Variants in LRRTM3 observed in about 807,000 individuals in gnomAD.
The protein encoded by LRRTM3 is leucine-rich repeat transmembrane neuronal protein 3.
LRRTM3 carries 24 observed loss-of-function variants against 44.7 expected under a neutral mutation model. The observed-to-expected ratio is 0.54, with a 90% CI of 0.39 to 0.76. The LOEUF is 0.76. LRRTM3 is among the 30% of genes least tolerant of loss of function. The pLI, the probability that LRRTM3 is intolerant of heterozygous loss-of-function variation, is 0.00. For synonymous variants in LRRTM3, 277 were observed against 278.7 expected (o/e 0.99, Z 0.06); for missense variants, 587 against 702.2 (o/e 0.84, Z 1.85).
Position 66,927,478 on chromosome 10 carries a change from C to T in LRRTM3, c.562C>T (p.Leu188=). Residue 188 remains leucine, a synonymous_variant, in exon 2 of 3, where the codon CTG becomes TTG. Transcript: ENST00000361320. The surrounding 1 kb of genome is among the most constrained non-coding windows in gnomAD (Gnocchi z 4.7). ...CTGCCGCAACCTGGAACTTTTGGACCTGGGATATAACCGGATCCGAAGTTT... is the reference window on the plus strand; with the variant it reads ...CTGCCGCAACCTGGAACTTTTGGACTTGGGATATAACCGGATCCGAAGTTT... ...QDCRNLELLD[L]GYNRIRSLAR... is the part of the protein sequence containing the mutation. 1 of 1,614,056 alleles carries T rather than the reference C, an allele frequency of 6.2e-7. No individual in the cohort carries two copies. The highest frequency in any genetic ancestry group is 8.5e-7 in the Non-Finnish European group (1 of 1,180,010).
At chr10:67,002,897 CATT>C (rs1851765087) in intron 2 of LRRTM3, among the ~76,000 whole-genome samples, 1 of 152,078 alleles carries the variant, frequency 6.6e-6, no homozygotes, top group East Asian at 1.9e-4. Flanking sequence ...AACTTAGTAT[CATT>C]ATTATTCTAA....
At chr10:66,976,521 A>T (rs1850040206) in intron 2 of LRRTM3, among the ~76,000 whole-genome samples, 3 of 152,176 alleles carry the variant, frequency 2.0e-5, no homozygotes, top group Non-Finnish European at 4.4e-5. Flanking sequence ...GTGTTGAAAG[A>T]TGTCTTCATA....
intron 2 of LRRTM3, chr10:67,015,284 G>A (rs906702080): frequency 6.6e-6 from 1 of 152,090 alleles, no homozygotes; most frequent in Non-Finnish European, 1.5e-5. Flanking sequence ...TAGATTTGAT[G>A]CTAACCATCT....
At chr10:67,013,624 T>G (rs1199911156) in intron 2 of LRRTM3, among the ~76,000 whole-genome samples, 1 of 152,154 alleles carries the variant, frequency 6.6e-6, no homozygotes, top group Non-Finnish European at 1.5e-5. Flanking sequence ...TTCCTTTTCT[T>G]GATACAAAAG....
At chr10:67,046,683 T>C (rs1343252528) in intron 2 of LRRTM3, among the ~76,000 whole-genome samples, 3 of 152,202 alleles carry the variant, frequency 2.0e-5, no homozygotes, top group South Asian at 4.1e-4. Flanking sequence ...ATACTATACA[T>C]TGGCACAGGA....
intron 2 of LRRTM3, among the ~76,000 whole-genome samples, chr10:67,052,003 C>T (rs1855126408): frequency 6.6e-6 from 1 of 152,076 alleles, no homozygotes. Flanking sequence ...GACCCGCCCA[C>T]CTCAGCCTCC....
At chr10:66,964,987 G>A (rs1445325986) in intron 2 of LRRTM3, among the ~76,000 whole-genome samples, 2 of 152,170 alleles carry the variant, frequency 1.3e-5, no homozygotes, top group Non-Finnish European at 1.5e-5. Context: ...AAAATAAGAT[G>A]AATTCTGCAA....
At chr10:67,083,037 C>T (rs1857129031) in intron 2 of LRRTM3, among the ~76,000 whole-genome samples, 1 of 152,120 alleles carries the variant, frequency 6.6e-6, no homozygotes, top group South Asian at 2.1e-4. Flanking sequence ...CACAAAAAAG[C>T]AGGTGTTCAC....
chr10:66,946,816 AT>A (rs1481020659), intron 2 of LRRTM3, among the ~76,000 whole-genome samples: 1 of 152,066 alleles, frequency 6.6e-6, no homozygotes, highest in African/African-American at 2.4e-5. Flanking sequence ...CAAATGATGG[AT>A]CTACGTATGT....
At chr10:66,957,397 TATATATATATATATATGC>T (rs201668622) in intron 2 of LRRTM3, among the ~76,000 whole-genome samples, 2 of 36,834 alleles carry the variant, frequency 5.4e-5, no homozygotes, top group Non-Finnish European at 1.0e-4. Flanking sequence ...TATATACATA[TATATATATATATATATGC>T]ATATATATAT....
intron 2 of LRRTM3, among the ~76,000 whole-genome samples, chr10:66,978,960 C>CTTTTTT (rs34112681): frequency 1.2e-4 from 10 of 83,790 alleles, no homozygotes; most frequent in Non-Finnish European, 1.5e-4. Flanking sequence ...TACTTATTTC[C>CTTTTTT]TTTTTTTTTT....
chr10:66,941,366 A>G (rs1209973353), intron 2 of LRRTM3, among the ~76,000 whole-genome samples: 1 of 152,244 alleles, frequency 6.6e-6, no homozygotes, highest in Non-Finnish European at 1.5e-5. Context: ...ATCAAGATTT[A>G]TGACATAAGG....
At chr10:67,095,770 A>G (rs1342705640) in intron 2 of LRRTM3, among the ~76,000 whole-genome samples, 2 of 151,856 alleles carry the variant, frequency 1.3e-5, no homozygotes. Context: ...CAGAGCACTG[A>G]TTTCCCAGAG....
At chr10:66,948,338 A>G (rs1404517952) in intron 2 of LRRTM3, among the ~76,000 whole-genome samples, 1 of 152,222 alleles carries the variant, frequency 6.6e-6, no homozygotes, top group Non-Finnish European at 1.5e-5. Flanking sequence ...GATATTTTCC[A>G]ACAAGCAAAA....
chr10:67,024,658 A>G (rs1210467633), intron 2 of LRRTM3, among the ~76,000 whole-genome samples: 1 of 152,202 alleles, frequency 6.6e-6, no homozygotes, highest in Non-Finnish European at 1.5e-5. Context: ...AGCAAAAGTT[A>G]CCTTAGAAAA....
Position 66,927,637 on chromosome 10 carries a change from A to C in LRRTM3, c.721A>C (p.Ile241Leu), listed in dbSNP as rs1847149566. 1 of 1,614,184 alleles carries C rather than the reference A, an allele frequency of 6.2e-7. No individual in the cohort carries two copies. The highest frequency in any genetic ancestry group is 1.1e-5 in the South Asian group (1 of 91,086). ...GAACCTTTACTTGCAGTGGAATAAA[A>C]TCAGTGTCATAGGACAGACCATGTC... ...LQNLYLQWNK[I>L]SVIGQTMSWT... The change falls in exon 2 of 3, where the codon ATC becomes CTC. Residue 241 changes from isoleucine to leucine, a missense_variant. This residue lies in a region of LRRTM3 where 222 missense variants were observed against 323.3 expected (regional missense o/e 0.69). Coordinates refer to ENST00000361320, the MANE Select transcript of LRRTM3 (RefSeq NM_178011.5). The surrounding 1 kb of genome is among the most constrained non-coding windows in gnomAD (Gnocchi z 4.7).
chr10:66,928,390 G>A lies in LRRTM3; in HGVS notation c.1474G>A (p.Glu492Lys). 6.2e-7 allele frequency: 1 copy of A among 1,614,142 alleles called. No individual in the cohort carries two copies. Among genetic ancestry groups the A allele is most frequent in the African/African-American group, 1.3e-5 (1 of 75,030 alleles). The part of the protein sequence containing the change: ...DYKPTNTETS[E>K]MLLNGTGPCT... Reference sequence around the variant, plus strand: ...TAAACCCACCAACACGGAGACCAGCGAGATGCTGCTGAATGGGACGGGACC... The same window carrying A: ...TAAACCCACCAACACGGAGACCAGCAAGATGCTGCTGAATGGGACGGGACC... Residue 492 changes from glutamate (E) to lysine (K), a missense_variant, in exon 2 of 3, where the codon GAG becomes AAG. Glu to Lys is a moderately conservative substitution (Grantham distance 56, BLOSUM62 1). This residue lies in a region of LRRTM3 where 315 missense variants were observed against 335.6 expected (regional missense o/e 0.94). Transcript: ENST00000361320.
At chr10:67,052,317 T>A (rs1239569902) in intron 2 of LRRTM3, among the ~76,000 whole-genome samples, 2 of 50,128 alleles carry the variant, frequency 4.0e-5, no homozygotes, top group Non-Finnish European at 1.3e-4. Flanking sequence ...CTCATCACTC[T>A]CTCTCTCTCT....
chr10:66,936,815 CA>C (rs1847727213), intron 2 of LRRTM3, among the ~76,000 whole-genome samples: 1 of 152,144 alleles, frequency 6.6e-6, no homozygotes, highest in African/African-American at 2.4e-5. Context: ...TATCTGCTCC[CA>C]GAGTGAGAGC....
Sources: allele counts gnomAD v4.1 joint callset (sites outside exome capture counted in the v4.1 genomes callset), GRCh38; gene constraint gnomAD v4.1.1; regional missense constraint gnomAD v4.1.1; non-coding constraint Gnocchi (gnomAD v3.1); transcripts MANE v1.5; gene names NCBI Gene and HGNC (gene_info 2026-07-23, HGNC 2026-07-21).